The following LUZP2 variants were observed in gnomAD, a reference collection of about 807,000 sequenced individuals.
The protein encoded by LUZP2 is leucine zipper protein 2.
Under a neutral mutation model 51.6 loss-of-function variants are expected in LUZP2, and 52 were observed. That is an observed-to-expected ratio of 1.01 (90% CI 0.81 to 1.27). The LOEUF (loss-of-function observed/expected upper bound fraction) is 1.27. LUZP2 is among the 50% of genes most tolerant of loss of function. The pLI is 0.00. For missense variants in LUZP2, 436 were observed against 395.4 expected (o/e 1.10, Z -0.87); for synonymous variants, 154 against 137.3 (o/e 1.12, Z -0.85).
intron 9 of LUZP2, among the ~76,000 whole-genome samples, chr11:25,030,086 T>C (rs937210501): frequency 2.0e-5 from 3 of 152,168 alleles, no homozygotes; most frequent in African/African-American, 4.8e-5. Flanking sequence ...AAATTTTGTG[T>C]TTATCGTTCC....
intron 1 of LUZP2, among the ~76,000 whole-genome samples, chr11:24,630,957 C>T (rs1045242997): frequency 4.0e-5 from 6 of 151,688 alleles, no homozygotes; most frequent in South Asian, 2.1e-4. Flanking sequence ...TTGTAGCTAT[C>T]GTAAATGGAA....
At chr11:24,529,406 T>C (rs1850922989) in intron 1 of LUZP2, among the ~76,000 whole-genome samples, 1 of 151,054 alleles carries the variant, frequency 6.6e-6, no homozygotes, top group Non-Finnish European at 1.5e-5. Flanking sequence ...GTACTAATCA[T>C]GACTACTAAT....
chr11:24,932,763 G>A (rs1854492608), intron 7 of LUZP2, among the ~76,000 whole-genome samples: 1 of 152,098 alleles, frequency 6.6e-6, no homozygotes, highest in Admixed American at 6.6e-5. Context: ...CAGGTTTCAC[G>A]CCTCCCTGCC....
intron 7 of LUZP2, among the ~76,000 whole-genome samples, chr11:24,927,469 A>G (rs541246035): frequency 3.3e-5 from 5 of 151,230 alleles, no homozygotes; most frequent in African/African-American, 1.2e-4. Context: ...TCATTCTCCT[A>G]TTATGTGGCT....
At chr11:24,559,399 A>G (rs1851965608) in intron 1 of LUZP2, among the ~76,000 whole-genome samples, 1 of 152,198 alleles carries the variant, frequency 6.6e-6, no homozygotes, top group Admixed American at 6.5e-5. Context: ...CCTTCTACCC[A>G]CTTCAGTGGC....
At chr11:24,526,933 A>C (rs979007527) in intron 1 of LUZP2, among the ~76,000 whole-genome samples, 1 of 151,406 alleles carries the variant, frequency 6.6e-6, no homozygotes, top group African/African-American at 2.4e-5. Context: ...AAGGGGTCTT[A>C]AACATGAACT....
chr11:24,841,827 C>T (rs961790409), intron 5 of LUZP2, among the ~76,000 whole-genome samples: 5 of 152,004 alleles, frequency 3.3e-5, no homozygotes, highest in African/African-American at 1.2e-4. Flanking sequence ...TATAGACAGA[C>T]AATGAGCAAA....
chr11:24,497,643 A>G (rs1270080697), intron 1 of LUZP2, among the ~76,000 whole-genome samples: 1 of 152,202 alleles, frequency 6.6e-6, no homozygotes, highest in Non-Finnish European at 1.5e-5. Context: ...GGAAATAGGC[A>G]AGGAGGGAAT....
At chr11:24,593,986 C>T (rs1172966892) in intron 1 of LUZP2, among the ~76,000 whole-genome samples, 1 of 152,156 alleles carries the variant, frequency 6.6e-6, no homozygotes, top group Non-Finnish European at 1.5e-5. Flanking sequence ...AATTACATTG[C>T]TGTTGTATAT....
At chr11:24,742,912 G>A (rs1405522145) in intron 4 of LUZP2, among the ~76,000 whole-genome samples, 3 of 151,910 alleles carry the variant, frequency 2.0e-5, no homozygotes, top group Admixed American at 6.6e-5. Flanking sequence ...CCTATATGTG[G>A]CTAGCCAATT....
intron 5 of LUZP2, among the ~76,000 whole-genome samples, chr11:24,874,541 T>C (rs994380254): frequency 2.0e-5 from 3 of 152,136 alleles, no homozygotes; most frequent in Admixed American, 1.3e-4. Flanking sequence ...CACCGGATGT[T>C]GACCTCGGCC....
chr11:24,999,264 A>G (rs1398633674), intron 9 of LUZP2, among the ~76,000 whole-genome samples: 2 of 152,084 alleles, frequency 1.3e-5, no homozygotes, highest in African/African-American at 4.8e-5. Flanking sequence ...AGAAATGATA[A>G]TTTCCAGAGG....
chr11:25,038,033 G>A (rs191610265), intron 9 of LUZP2, among the ~76,000 whole-genome samples: 31 of 151,840 alleles, frequency 2.0e-4, no homozygotes, highest in East Asian at 3.9e-4. Flanking sequence ...AAATTTTCAC[G>A]TATTGAGAGA....
chr11:24,643,254 CAAAAAAAA>C (rs570616833), intron 1 of LUZP2, among the ~76,000 whole-genome samples: 530 of 75,726 alleles, frequency 7.0e-3, no homozygotes, highest in Middle Eastern at 0.017. Context: ...ACTAAAAGTA[CAAAAAAAA>C]AAAAAAAAAA....
chr11:24,610,366 C>T (rs781359955), intron 1 of LUZP2, among the ~76,000 whole-genome samples: 5 of 152,020 alleles, frequency 3.3e-5, no homozygotes, highest in Non-Finnish European at 7.4e-5. Flanking sequence ...CAGAAAAAAA[C>T]GGTAGGCAGC....
chr11:24,885,801 C>G (rs1475376320), intron 5 of LUZP2, among the ~76,000 whole-genome samples: 1 of 152,108 alleles, frequency 6.6e-6, no homozygotes, highest in East Asian at 1.9e-4. Context: ...GGAACTAACA[C>G]TAGATATTTG....
chr11:24,834,450 T>A (rs1327496459), intron 5 of LUZP2, among the ~76,000 whole-genome samples: 1 of 152,234 alleles, frequency 6.6e-6, no homozygotes, highest in Non-Finnish European at 1.5e-5. Flanking sequence ...CTGCATAGTA[T>A]TCCATGGTGT....
chr11:24,961,662 C>T (rs143329030), intron 7 of LUZP2, among the ~76,000 whole-genome samples: 3 of 152,092 alleles, frequency 2.0e-5, no homozygotes, highest in Admixed American at 6.6e-5. Flanking sequence ...AGATGGGTTT[C>T]CTGATTATAG....
At chr11:24,890,378 T>TA (rs1043789406) in intron 5 of LUZP2, among the ~76,000 whole-genome samples, 4 of 152,208 alleles carry the variant, frequency 2.6e-5, no homozygotes, top group African/African-American at 9.6e-5. Context: ...GCAGATCCTT[T>TA]AAAAAATCTA....
Sources: allele counts gnomAD v4.1 joint callset (sites outside exome capture counted in the v4.1 genomes callset), GRCh38; gene constraint gnomAD v4.1.1; transcripts MANE v1.5; gene names NCBI Gene and HGNC (gene_info 2026-07-23, HGNC 2026-07-21).